Variants in TAF1B observed in about 807,000 individuals in gnomAD.
The protein encoded by TAF1B is TATA box-binding protein-associated factor RNA polymerase I subunit B.
Under a neutral mutation model 83.9 loss-of-function variants are expected in TAF1B, and 61 were observed. That is an observed-to-expected ratio of 0.73 (90% confidence interval 0.59 to 0.90). The LOEUF (loss-of-function observed/expected upper bound fraction) is 0.90, where lower values mean the gene tolerates loss of function less well. TAF1B is among the 40% of genes least tolerant of loss of function. The pLI is 0.00. For missense variants in TAF1B, 625 were observed against 677.0 expected (o/e 0.92, Z 0.85); for synonymous variants, 221 against 224.6 (o/e 0.98, Z 0.14).
chr2:9,928,672 G>A (rs1480503074), intron 14 of TAF1B, among the ~76,000 whole-genome samples: 2 of 152,146 alleles, frequency 1.3e-5, no homozygotes, highest in Admixed American at 6.5e-5. Context: ...TCTGTTATTG[G>A]TGTAAAGGAA....
At chr2:9,868,652 T>C in intron 6 of TAF1B, 1 of 703,574 alleles carries the variant, frequency 1.4e-6, no homozygotes, top group Non-Finnish European at 2.6e-6. Flanking sequence ...TTTTTGTGTG[T>C]GATTTTAAAG....
At chr2:9,870,565 CT>C (rs1182244539) in intron 6 of TAF1B, among the ~76,000 whole-genome samples, 3 of 152,266 alleles carry the variant, frequency 2.0e-5, no homozygotes, top group Non-Finnish European at 2.9e-5. Flanking sequence ...TCTTTTGTGA[CT>C]TTCATATTTC....
chr2:9,893,037 C>G (rs531961581), intron 8 of TAF1B, among the ~76,000 whole-genome samples: 2 of 152,276 alleles, frequency 1.3e-5, no homozygotes, highest in Admixed American at 6.5e-5. Context: ...GAAATTACAT[C>G]TTGGTAGCAA....
At chr2:9,933,182 C>A (rs1486287595) in intron 14 of TAF1B, among the ~76,000 whole-genome samples, 1 of 152,204 alleles carries the variant, frequency 6.6e-6, no homozygotes, top group Non-Finnish European at 1.5e-5. Flanking sequence ...TGCAGCCAGT[C>A]CCAGTGAGAT....
intron 9 of TAF1B, 137 bp from the exon 10 acceptor site, chr2:9,910,599 G>A: frequency 1.6e-6 from 1 of 628,576 alleles, no homozygotes; most frequent in Non-Finnish European, 2.6e-6. Context: ...GCCATGTTTT[G>A]ATGTTTTATT....
chr2:9,933,524 A>G (rs747720071), intron 14 of TAF1B, among the ~76,000 whole-genome samples: 1 of 152,124 alleles, frequency 6.6e-6, no homozygotes, highest in Non-Finnish European at 1.5e-5. Context: ...GAGTGAAGAA[A>G]CTTTGAGCAA....
At chr2:9,890,072 AT>A (rs1664820027) in intron 8 of TAF1B, among the ~76,000 whole-genome samples, 1 of 152,064 alleles carries the variant, frequency 6.6e-6, no homozygotes, top group African/African-American at 2.4e-5. Context: ...AAGCTTGCAA[AT>A]TTTAGCCACC....
intron 8 of TAF1B, among the ~76,000 whole-genome samples, chr2:9,888,171 A>G (rs188127130): frequency 2.6e-5 from 4 of 152,164 alleles, no homozygotes; most frequent in African/African-American, 9.6e-5. Flanking sequence ...TACAGTATTC[A>G]TCTTTACCTT....
intron 3 of TAF1B, among the ~76,000 whole-genome samples, 174 bp downstream of exon 3, chr2:9,849,634 G>A (rs4143793): frequency 2.0e-5 from 3 of 151,868 alleles, no homozygotes; most frequent in Admixed American, 1.3e-4. Context: ...TATTATTTCT[G>A]GTGCTTTTAT....
At chr2:9,903,079 AATTTT>A (rs949706281) in intron 8 of TAF1B, among the ~76,000 whole-genome samples, 1 of 151,872 alleles carries the variant, frequency 6.6e-6, no homozygotes, top group South Asian at 2.1e-4. Flanking sequence ...CTCTAAACTA[AATTTT>A]ATTTTATTTT....
chr2:9,881,330 T>C (rs10929617), intron 7 of TAF1B, among the ~76,000 whole-genome samples: 36,783 of 151,696 alleles, frequency 0.24, 5,014 homozygotes, highest in East Asian at 0.31. Flanking sequence ...AGTGAGACTC[T>C]GTCTTAAAAA....
rs762718516 is a variant in TAF1B at position 9,845,236 on chromosome 2, G to A, written c.35G>A (p.Arg12His). Reference protein sequence around the residue: ...DLEEAEEFKERCTQCAAVSWG... With the variant: ...DLEEAEEFKEHCTQCAAVSWG... ...CTCCCATAGGAAGAGTTTAAAGAAC[G>A]CTGTACTCAGTGTGCTGCTGTCTCA... Residue 12 changes from arginine to histidine, a missense_variant, in exon 2 of 15, where the codon CGC becomes CAC. Arg to His is a conservative substitution (Grantham distance 29). Transcript: ENST00000263663. The A allele has an allele frequency of 3.7e-6, 6 of 1,613,780 alleles. No homozygotes were observed. Among genetic ancestry groups the A allele is most frequent in the East Asian group, 2.2e-5 (1 of 44,846 alleles).
intron 9 of TAF1B, among the ~76,000 whole-genome samples, chr2:9,905,611 G>A (rs1665316558): frequency 6.6e-6 from 1 of 152,192 alleles, no homozygotes; most frequent in Admixed American, 6.5e-5. Flanking sequence ...GTGGAATCCA[G>A]TCCTGAATTT....
At chr2:9,919,948 T>G in intron 14 of TAF1B, 128 bp downstream of exon 14, 1 of 855,014 alleles carries the variant, frequency 1.2e-6, no homozygotes, top group Non-Finnish European at 1.8e-6. Flanking sequence ...ATACATTGAG[T>G]CTTGTGTAGG....
intron 14 of TAF1B, among the ~76,000 whole-genome samples, chr2:9,920,148 TTC>T (rs1665826291): frequency 6.6e-6 from 1 of 152,206 alleles, no homozygotes; most frequent in Admixed American, 6.5e-5. Context: ...TATCATGTCT[TTC>T]TACCTCTTAA....
chr2:9,919,638 C>T lies in TAF1B; in HGVS notation c.1383C>T (p.Val461=), dbSNP rs780082892. 13 of 1,613,806 alleles carry T rather than the reference C, an allele frequency of 8.1e-6. No homozygotes were observed. In the Admixed American group the frequency reaches 8.3e-5, roughly 10 times the overall value. ...VNLQKQFSTL[V]ESTATAGKKS... ...TACAGAAACAATTTAGCACACTGGTCGAGTCAACAGCAACTGCTGGAAAAA... is the reference window on the plus strand; with the variant it reads ...TACAGAAACAATTTAGCACACTGGTTGAGTCAACAGCAACTGCTGGAAAAA... The change falls in exon 14 of 15, where the codon GTC becomes GTT. Residue 461 remains valine, a synonymous_variant. Transcript: ENST00000263663.
intron 5 of TAF1B, among the ~76,000 whole-genome samples, chr2:9,863,900 G>A (rs1256380834): frequency 1.3e-5 from 2 of 152,056 alleles, no homozygotes; most frequent in African/African-American, 2.4e-5. Flanking sequence ...TGAAACCAAC[G>A]AGAACAAAGA....
At chr2:9,928,938 A>G (rs1377014366) in intron 14 of TAF1B, among the ~76,000 whole-genome samples, 1 of 152,146 alleles carries the variant, frequency 6.6e-6, no homozygotes, top group Non-Finnish European at 1.5e-5. Context: ...GTCTTGTGCC[A>G]GTTTTCAAAG....
chr2:9,898,561 AT>A (rs1264723872), intron 8 of TAF1B, among the ~76,000 whole-genome samples: 2 of 152,198 alleles, frequency 1.3e-5, no homozygotes, highest in Non-Finnish European at 2.9e-5. Context: ...AGTTTAACAT[AT>A]ATGAAAACAG....
Sources: allele counts gnomAD v4.1 joint callset (sites outside exome capture counted in the v4.1 genomes callset), GRCh38; gene constraint gnomAD v4.1.1; transcripts MANE v1.5; gene names NCBI Gene and HGNC (gene_info 2026-07-23, HGNC 2026-07-21).